MYO9A: variants seen among roughly 807,000 people sequenced by gnomAD.
MYO9A encodes the protein unconventional myosin-IXa.
MYO9A carries 103 observed loss-of-function variants against 293.3 expected under a neutral mutation model. The observed-to-expected ratio is 0.35, with a 90% CI of 0.30 to 0.41. The LOEUF is 0.41. MYO9A is among the 10% of genes least tolerant of loss of function. MYO9A has a pLI of 1.00. For missense variants in MYO9A, 2,685 were observed against 3,033.0 expected (o/e 0.89, Z 2.69); for synonymous variants, 1,001 against 1,035.7 (o/e 0.97, Z 0.64).
At chr15:72,008,436 G>GGTGTGTGTGTGTGTGTGT (rs57267628) in intron 7 of MYO9A, among the ~76,000 whole-genome samples, 12 of 138,832 alleles carry the variant, frequency 8.6e-5, no homozygotes, top group African/African-American at 2.7e-4. Context: ...GAGGTAAATG[G>GGTGTGTGTGTGTGTGTGT]GTGTGTGTGT....
At chr15:72,103,127 C>A (rs1182342139) in intron 1 of MYO9A, among the ~76,000 whole-genome samples, 1 of 143,448 alleles carries the variant, frequency 7.0e-6, no homozygotes, top group Non-Finnish European at 1.5e-5. Flanking sequence ...GCCTGGCAGG[C>A]GGAGGTTGCA....
chr15:71,925,472 C>T (rs561408736), intron 18 of MYO9A, among the ~76,000 whole-genome samples: 2 of 151,452 alleles, frequency 1.3e-5, no homozygotes, highest in South Asian at 4.2e-4. Context: ...ACCTTTCTTC[C>T]TCTCTTACTA....
chr15:71,896,055 CAG>C lies in MYO9A; in HGVS notation c.5042+1404_5042+1405del, dbSNP rs568968129. 1.2e-3 allele frequency among the ~76,000 whole-genome samples: 184 copies of C among 152,300 alleles called. No homozygotes were observed. The South Asian group carries it at 0.015, about 13-fold the overall frequency. On this transcript the variant is annotated intron_variant, in intron 25 of 41. Transcript: ENST00000356056. ...CTCTCTTATGGATGCATATGCTACA[CAG>C]AGTCTTTGAACTTCTGGGAAATCTG... is the stretch of plus-strand genomic sequence containing the variant.
At chr15:71,830,456 G>A in intron 39 of MYO9A, 145 bp from the exon 40 acceptor site, 1 of 771,632 alleles carries the variant, frequency 1.3e-6, no homozygotes, top group Non-Finnish European at 2.1e-6. Context: ...AGGATATTTA[G>A]TGAGACATAT....
rs1426061755 is a variant in MYO9A, at chr15:72,007,787, C to T, written c.1380+39G>A. The stretch of plus-strand genomic sequence containing the variant: ...ACACAAAATAAAAAATAAAAAGTTA[C>T]AAAGATTTGAAATGACAACTGAAAA... On this transcript the variant is annotated intron_variant, in intron 8 of 41. Transcript: ENST00000356056. 2.5e-6 allele frequency: 4 copies of T among 1,585,698 alleles called. No homozygotes were observed. In the African/African-American group the frequency reaches 4.1e-5, roughly 16 times the overall value.
chr15:71,842,312 G>A (rs1226130867), intron 39 of MYO9A, among the ~76,000 whole-genome samples: 1 of 152,076 alleles, frequency 6.6e-6, no homozygotes, highest in African/African-American at 2.4e-5. Flanking sequence ...AGGAGGCAGA[G>A]GTTGCAGTGA....
In MYO9A at chr15:71,898,838, C is replaced by G. The variant is rs1049483425; in HGVS notation, c.3665G>C (p.Ser1222Thr). Residue 1222 changes from serine to threonine, a missense_variant, in exon 25 of 42, where the codon AGT becomes ACT. By Grantham distance (58) the Ser-to-Thr change is moderately conservative (BLOSUM62 1). Coordinates refer to ENST00000356056, the MANE Select transcript of MYO9A (RefSeq NM_006901.4). ...VIESNRISRE[S>T]SVDCLKESPN... ...TGACTCCTTCAAGCAGTCCACTGAA[C>G]TTTCACGGCTAATTCGATTACTCTC... 6.2e-7 allele frequency: 1 copy of G among 1,614,038 alleles called. No homozygotes were observed. Among genetic ancestry groups the G allele is most frequent in the Non-Finnish European group, 8.5e-7 (1 of 1,180,038 alleles).
intron 24 of MYO9A, 58 bp downstream of exon 24, chr15:71,899,629 T>A (rs2057425774): frequency 7.1e-7 from 1 of 1,412,754 alleles, no homozygotes; most frequent in Admixed American, 2.0e-5. Flanking sequence ...AATGCAGAGG[T>A]ATAAACAAAG....
rs142490309 is a variant in MYO9A at position 71,947,929 on chromosome 15, G to A, written c.2302+3848C>T. 4.7e-3 allele frequency among the ~76,000 whole-genome samples: 713 copies of A among 152,282 alleles called. 5 individuals are homozygous for A. Among genetic ancestry groups the A allele is most frequent in the Non-Finnish European group, 7.6e-3 (514 of 68,014 alleles). ...GGGCTCCTGTCATTTCTGGAAGTGA[G>A]CTGTAGCTCATGCTCCCCAAAACTT... On this transcript the variant is annotated intron_variant, in intron 15 of 41. Transcript: ENST00000356056.
chr15:72,110,883 G>A (rs1487068986), intron 1 of MYO9A, among the ~76,000 whole-genome samples: 1 of 152,156 alleles, frequency 6.6e-6, no homozygotes, highest in East Asian at 1.9e-4. Context: ...ATTTCGGCCG[G>A]GCATGGTGGC....
Position 71,876,476 on chromosome 15 carries a change from C to T in MYO9A, c.5932-638G>A, listed in dbSNP as rs1278358087. On this transcript the variant is annotated intron_variant, in intron 31 of 41. Transcript: ENST00000356056. ...TTTGAGACGGAGTTTTGCTCTGTTG[C>T]CCAGGCTGGAGGGCAGTGGTGCAAT... is the stretch of plus-strand genomic sequence containing the variant. Among the ~76,000 whole-genome samples the T allele has an allele frequency of 1.1e-3, 136 of 128,070 alleles. 1 individual carries two copies. Among genetic ancestry groups the T allele is most frequent in the Non-Finnish European group, 1.3e-3 (82 of 63,698 alleles). 84.0% of individuals were successfully genotyped at this position (128,070 alleles called of 152,430 possible).
chr15:72,114,868 C>T (rs1250692624), intron 1 of MYO9A, among the ~76,000 whole-genome samples: 1 of 152,194 alleles, frequency 6.6e-6, no homozygotes, highest in Non-Finnish European at 1.5e-5. Context: ...ATCACTCCAA[C>T]TAAAAACCTT....
intron 1 of MYO9A, among the ~76,000 whole-genome samples, chr15:72,106,185 A>G (rs1243816317): frequency 6.6e-6 from 1 of 152,156 alleles, no homozygotes; most frequent in Non-Finnish European, 1.5e-5. Flanking sequence ...GGGGATGAAA[A>G]TGAGATTCCT....
chr15:72,099,857 G>A (rs1411232021), intron 1 of MYO9A, among the ~76,000 whole-genome samples: 2 of 127,214 alleles, frequency 1.6e-5, no homozygotes, highest in East Asian at 2.4e-4. Context: ...AGCCGAGATC[G>A]AGCCACTGCA....
rs1269723496 is a variant in MYO9A at position 71,978,157 on chromosome 15, A to G, written c.1844+14T>C. The G allele has an allele frequency of 1.2e-6, 2 of 1,608,336 alleles. No homozygotes were observed. Among genetic ancestry groups the G allele is most frequent in the Non-Finnish European group, 1.7e-6 (2 of 1,178,678 alleles). On this transcript the variant is annotated intron_variant, in intron 12 of 41. Coordinates refer to ENST00000356056, the MANE Select transcript of MYO9A (RefSeq NM_006901.4). ...AAAACAGCCAATAACAAAATTGAAAAGAATCACACTCACTTGCTTTCTTCA... is the reference window on the plus strand; with the variant it reads ...AAAACAGCCAATAACAAAATTGAAAGGAATCACACTCACTTGCTTTCTTCA...
chr15:71,912,024 TACTA>T (rs776631777), intron 19 of MYO9A, among the ~76,000 whole-genome samples: 20 of 152,194 alleles, frequency 1.3e-4, no homozygotes, highest in South Asian at 8.3e-4. Flanking sequence ...GCTATTACCT[TACTA>T]ACTGTTAACT....
At chr15:72,115,541 G>A (rs568924166) in intron 1 of MYO9A, among the ~76,000 whole-genome samples, 9 of 152,196 alleles carry the variant, frequency 5.9e-5, no homozygotes, top group African/African-American at 1.9e-4. Flanking sequence ...ACTCAACTCC[G>A]AATATCCAAG....
At chr15:71,950,807 C>T (rs994555550) in intron 15 of MYO9A, among the ~76,000 whole-genome samples, 2 of 152,144 alleles carry the variant, frequency 1.3e-5, no homozygotes, top group African/African-American at 4.8e-5. Context: ...GGAATTTCAA[C>T]CAGAAAACTG....
chr15:71,913,239 G>A (rs893246167), intron 19 of MYO9A, among the ~76,000 whole-genome samples: 4 of 151,976 alleles, frequency 2.6e-5, no homozygotes, highest in Non-Finnish European at 4.4e-5. Flanking sequence ...CTGTCTAACC[G>A]ATGTTAATCC....
Sources: allele counts gnomAD v4.1 joint callset (sites outside exome capture counted in the v4.1 genomes callset), GRCh38; gene constraint gnomAD v4.1.1; transcripts MANE v1.5; gene names NCBI Gene and HGNC (gene_info 2026-07-23, HGNC 2026-07-21).